The following ARMC3 variants were observed in gnomAD, a reference collection of about 807,000 sequenced individuals.
The protein encoded by ARMC3 is armadillo repeat containing 3, also known as armadillo repeat-containing protein 3.
A neutral mutation model predicts 90.3 loss-of-function variants in ARMC3; 74 were observed. That is an observed-to-expected ratio of 0.82 (90% CI 0.68 to 0.99). ARMC3 has a LOEUF of 0.99. ARMC3 is among the 50% of genes least tolerant of loss of function. The pLI is 0.00. For missense variants in ARMC3, 958 were observed against 1,042.8 expected, an observed-to-expected ratio of 0.92 and a Z score of 1.12; for synonymous variants, 334 against 361.8, an observed-to-expected ratio of 0.92 and a Z score of 0.87.
intron 7 of ARMC3, among the ~76,000 whole-genome samples, chr10:22,963,639 C>T (rs1389937003): frequency 6.6e-6 from 1 of 151,938 alleles, no homozygotes; most frequent in Admixed American, 6.6e-5. Flanking sequence ...CACCTGTAAT[C>T]CCAGCACTTT....
intron 10 of ARMC3, among the ~76,000 whole-genome samples, chr10:22,983,055 G>A (rs563169378): frequency 6.6e-6 from 1 of 152,238 alleles, no homozygotes; most frequent in South Asian, 2.1e-4. Flanking sequence ...GCAAATTTCT[G>A]GAATATTGAG....
rs1835209916 is a variant in ARMC3, at chr10:22,961,871, T to C, written c.538-13T>C. On this transcript the variant is annotated splice_polypyrimidine_tract_variant and intron_variant, in intron 6 of 18. Coordinates refer to ENST00000298032, the MANE Select transcript of ARMC3 (RefSeq NM_173081.5). ...GCTTAAAAAAATTATTGATCATCTG[T>C]ATTTTGTGGCAGGATTTTCAGTGTC... 1 of 1,579,494 alleles carries C rather than the reference T, an allele frequency of 6.3e-7. No individual in the cohort carries two copies. Among genetic ancestry groups the C allele is most frequent in the African/African-American group, 1.4e-5 (1 of 73,028 alleles).
chr10:23,028,156 GAAC>G (rs745619850), intron 16 of ARMC3, among the ~76,000 whole-genome samples: 107 of 151,952 alleles, frequency 7.0e-4, no homozygotes, highest in Admixed American at 3.7e-3. Flanking sequence ...AACAAACAAA[GAAC>G]AACAACAACA....
chr10:22,959,147 G>T lies in ARMC3; in HGVS notation c.361+9G>T, dbSNP rs1835083685. 2 of 1,606,828 alleles carry T rather than the reference G, an allele frequency of 1.2e-6. No individual in the cohort carries two copies. Among genetic ancestry groups the T allele is most frequent in the Admixed American group, 1.7e-5 (1 of 59,970 alleles). Reference sequence around the variant, plus strand: ...CCAGCTCGCTCCAGAAGGTAACTTTGCATTCTATATCTGTTTTAAAAAATG... The same window carrying T: ...CCAGCTCGCTCCAGAAGGTAACTTTTCATTCTATATCTGTTTTAAAAAATG... On this transcript the variant is annotated intron_variant, in intron 5 of 18. Coordinates refer to ENST00000298032, the MANE Select transcript of ARMC3 (RefSeq NM_173081.5).
intron 3 of ARMC3, among the ~76,000 whole-genome samples, chr10:22,949,414 G>A (rs928315189): frequency 2.0e-5 from 3 of 152,178 alleles, no homozygotes; most frequent in African/African-American, 4.8e-5. Context: ...AAACATGGAA[G>A]CTATAAGACA....
chr10:22,929,265 A>G (rs1381671636), intron 1 of ARMC3, among the ~76,000 whole-genome samples: 4 of 150,216 alleles, frequency 2.7e-5, no homozygotes, highest in African/African-American at 9.9e-5. Flanking sequence ...AGAGAGAGAG[A>G]GGGAGAGAGA....
intron 10 of ARMC3, among the ~76,000 whole-genome samples, chr10:22,997,612 C>T (rs1250745262): frequency 6.6e-6 from 1 of 152,132 alleles, no homozygotes; most frequent in Non-Finnish European, 1.5e-5. Context: ...AATTAACAAC[C>T]TAATTTGAAG....
intron 7 of ARMC3, among the ~76,000 whole-genome samples, chr10:22,962,729 T>C (rs1835254230): frequency 6.6e-6 from 1 of 152,166 alleles, no homozygotes; most frequent in Non-Finnish European, 1.5e-5. Flanking sequence ...TAGGAACATA[T>C]TGAAGGAGAA....
chr10:22,931,766 A>G (rs1833940987), intron 1 of ARMC3, among the ~76,000 whole-genome samples: 1 of 152,246 alleles, frequency 6.6e-6, no homozygotes, highest in African/African-American at 2.4e-5. Context: ...CTAAACTGAA[A>G]GCCAGGACTA....
At chr10:22,970,372 C>T (rs895970300) in intron 8 of ARMC3, among the ~76,000 whole-genome samples, 2 of 152,152 alleles carry the variant, frequency 1.3e-5, no homozygotes, top group African/African-American at 4.8e-5. Flanking sequence ...CAGAAAGCCA[C>T]AGAACACTGA....
chr10:22,946,177 G>A lies in ARMC3; in HGVS notation c.82G>A (p.Ala28Thr). 1 of 1,611,954 alleles carries A rather than the reference G, an allele frequency of 6.2e-7. No individual in the cohort carries two copies. Among genetic ancestry groups the A allele is most frequent in the Non-Finnish European group, 8.5e-7 (1 of 1,179,224 alleles). The change falls in exon 3 of 19, where the codon GCA becomes ACA. Residue 28 changes from alanine to threonine, a missense_variant. Physicochemically the swap from Ala to Thr is moderately conservative, Grantham distance 58. Transcript: ENST00000298032. ...DPLMIESKKAATVVLMLNSPE... is the reference protein window; with the variant it reads ...DPLMIESKKATTVVLMLNSPE... ...ATTAATGATTGAAAGCAAAAAAGCA[G>A]CAACTGTGGTGTTAATGCTTAATTC...
rs138872305 is a variant in ARMC3 at position 22,981,016 on chromosome 10, T to C, written c.917-324T>C. Among the ~76,000 whole-genome samples, 4 of 152,330 alleles carry C rather than the reference T, an allele frequency of 2.6e-5. No homozygotes were observed. The East Asian group carries it at 7.7e-4, about 29-fold the overall frequency. On this transcript the variant is annotated intron_variant, in intron 8 of 18. Transcript: ENST00000298032. ...TTTTGTCCTTAGTGAACAAATAGCCTGTGAACACTGAATACCAGGTCAGGT... is the reference window on the plus strand; with the variant it reads ...TTTTGTCCTTAGTGAACAAATAGCCCGTGAACACTGAATACCAGGTCAGGT...
intron 16 of ARMC3, among the ~76,000 whole-genome samples, chr10:23,021,806 G>A (rs1320645708): frequency 2.0e-5 from 3 of 152,104 alleles, no homozygotes; most frequent in African/African-American, 7.2e-5. Flanking sequence ...TTCTTTTGCT[G>A]TGCAGAAGCT....
chr10:23,007,018 C>T, intron 14 of ARMC3, 37 bp downstream of exon 14: 1 of 1,486,008 alleles, frequency 6.7e-7, no homozygotes, highest in Non-Finnish European at 9.2e-7. Context: ...AAGGGAAGCA[C>T]ATACTGCTTG....
At chr10:23,005,183 A>C (rs1225826247) in intron 13 of ARMC3, among the ~76,000 whole-genome samples, 1 of 141,156 alleles carries the variant, frequency 7.1e-6, no homozygotes, top group Non-Finnish European at 1.5e-5. Flanking sequence ...ACTGCACTCC[A>C]GCCTGGGCGA....
intron 16 of ARMC3, among the ~76,000 whole-genome samples, chr10:23,027,357 G>A (rs1367206022): frequency 2.0e-5 from 3 of 152,152 alleles, no homozygotes; most frequent in Non-Finnish European, 4.4e-5. Flanking sequence ...GTTTTGCAAA[G>A]TTTATCTGTA....
intron 11 of ARMC3, among the ~76,000 whole-genome samples, chr10:23,000,391 T>C (rs1008104317): frequency 1.3e-5 from 2 of 152,102 alleles, no homozygotes; most frequent in Admixed American, 1.3e-4. Context: ...CAAACTAGGG[T>C]ACATCTTTCT....
intron 10 of ARMC3, among the ~76,000 whole-genome samples, chr10:22,986,108 A>ATG (rs1564373022): frequency 9.0e-6 from 1 of 110,836 alleles, no homozygotes; most frequent in Non-Finnish European, 1.8e-5. Context: ...CCTGCACTGC[A>ATG]CGCCCCCCCC....
intron 7 of ARMC3, among the ~76,000 whole-genome samples, chr10:22,965,968 C>A (rs1321927437): frequency 6.6e-6 from 1 of 152,138 alleles, no homozygotes; most frequent in Non-Finnish European, 1.5e-5. Context: ...TTTCTATTGA[C>A]TGACTTTTTT....
Sources: gnomAD v4.1 joint callset for allele counts (sites outside exome capture counted in the v4.1 genomes callset) on GRCh38, gnomAD v4.1.1 for gene constraint, MANE v1.5 for transcripts, NCBI Gene and HGNC (gene_info 2026-07-23, HGNC 2026-07-21) for gene names.